Variants in IL1RAPL1 observed in about 807,000 individuals in gnomAD.
The protein encoded by IL1RAPL1 is interleukin 1 receptor accessory protein like 1.
IL1RAPL1 carries 3 observed loss-of-function variants against 48.4 expected under a neutral mutation model. The ratio of observed to expected loss-of-function variants is 0.06; its 90% CI spans 0.03 to 0.16. The LOEUF (loss-of-function observed/expected upper bound fraction) is 0.16, where lower values mean the gene tolerates loss of function less well. Ranked by LOEUF, IL1RAPL1 falls within the 10% of genes least tolerant of loss-of-function variation. The probability of loss-of-function intolerance (pLI) is 1.00; values close to 1 mark genes in which losing one functional copy is unlikely to be tolerated. For synonymous variants in IL1RAPL1, 185 were observed against 187.7 expected (o/e 0.99, Z 0.12); for missense variants, 349 against 530.6 (o/e 0.66, Z 3.36).
chrX:29,158,094 C>T (rs1336379563), intron 2 of IL1RAPL1, among the ~76,000 whole-genome samples: 1 of 111,074 alleles, frequency 9.0e-6, no homozygotes, highest in East Asian at 2.8e-4. Context: ...AGAATGACCC[C>T]AAGGGAATCA....
At chrX:29,229,314 G>A (rs1299705451) in intron 2 of IL1RAPL1, among the ~76,000 whole-genome samples, 1 of 109,639 alleles carries the variant, frequency 9.1e-6, no homozygotes, top group East Asian at 2.8e-4. Context: ...TGGAAACTCT[G>A]CTTTAGCCTT....
chrX:29,603,912 C>G (rs1602320785), intron 5 of IL1RAPL1, among the ~76,000 whole-genome samples: 1 of 111,967 alleles, frequency 8.9e-6, no homozygotes, highest in East Asian at 2.8e-4. Flanking sequence ...GAAAAGGTGG[C>G]AACTTTTGAA....
At chrX:28,978,793 C>A (rs1305265613) in intron 2 of IL1RAPL1, among the ~76,000 whole-genome samples, 1 of 111,482 alleles carries the variant, frequency 9.0e-6, no homozygotes, top group African/African-American at 3.3e-5. Context: ...TGAGAGGGAG[C>A]AGAGCAATTT....
intron 1 of IL1RAPL1, among the ~76,000 whole-genome samples, chrX:28,611,553 C>A (rs1004246286): frequency 8.9e-6 from 1 of 112,571 alleles, no homozygotes; most frequent in Non-Finnish European, 1.9e-5. Flanking sequence ...TATTTTAAGG[C>A]TAAATCATGC....
chrX:29,819,481 C>G (rs1199798210), intron 6 of IL1RAPL1, among the ~76,000 whole-genome samples: 1 of 111,399 alleles, frequency 9.0e-6, no homozygotes, highest in East Asian at 2.8e-4. Context: ...TGCCTCTCAA[C>G]TATTCCTGCT....
intron 5 of IL1RAPL1, among the ~76,000 whole-genome samples, chrX:29,476,084 A>G (rs950378877): frequency 9.9e-5 from 11 of 111,629 alleles, no homozygotes; most frequent in African/African-American, 3.6e-4. Flanking sequence ...GCCAAGATGG[A>G]GTAAAACGTA....
chrX:29,120,458 G>A (rs1410526743), intron 2 of IL1RAPL1, among the ~76,000 whole-genome samples: 1 of 111,337 alleles, frequency 9.0e-6, no homozygotes, highest in African/African-American at 3.3e-5. Flanking sequence ...GTAGATGTGT[G>A]ACTTTATTTC....
At chrX:29,359,079 C>T (rs1278668968) in intron 3 of IL1RAPL1, among the ~76,000 whole-genome samples, 1 of 110,883 alleles carries the variant, frequency 9.0e-6, no homozygotes, top group East Asian at 2.8e-4. Flanking sequence ...ATTAGGCAAA[C>T]ATACTCCAAA....
At chrX:29,569,653 A>G (rs1922530110) in intron 5 of IL1RAPL1, among the ~76,000 whole-genome samples, 1 of 110,418 alleles carries the variant, frequency 9.1e-6, no homozygotes, top group African/African-American at 3.3e-5. Flanking sequence ...AACAACTGCC[A>G]TTTTTTCCAT....
At chrX:29,151,225 G>T (rs1448446925) in intron 2 of IL1RAPL1, among the ~76,000 whole-genome samples, 1 of 112,197 alleles carries the variant, frequency 8.9e-6, no homozygotes, top group Non-Finnish European at 1.9e-5. Context: ...TTCCATGGAT[G>T]GTTCCAAAAT....
At chrX:29,879,357 A>ATGTGTGTGTGTGTGTGTG (rs370851302) in intron 6 of IL1RAPL1, among the ~76,000 whole-genome samples, 5 of 83,979 alleles carry the variant, frequency 6.0e-5, no homozygotes, top group African/African-American at 1.7e-4. Flanking sequence ...AGTTTTATAT[A>ATGTGTGTGTGTGTGTGTG]TGTGTGTGTG....
rs777636118 is a variant in IL1RAPL1 at position 29,484,913 on chromosome X, C to T, written c.703+85605C>T. ...TAAGTAGGATAATCAGGAGACTTCT[C>T]TGGAGAGATGACCCTTACCCTCAGA... On this transcript the variant is annotated intron_variant, in intron 5 of 10. Coordinates refer to ENST00000378993, the MANE Select transcript of IL1RAPL1 (RefSeq NM_014271.4). Among the ~76,000 whole-genome samples, 93 of 111,908 alleles carry T rather than the reference C, an allele frequency of 8.3e-4. 2 individuals carry two copies. Among genetic ancestry groups the T allele is most frequent in the African/African-American group, 2.6e-3 (80 of 30,862 alleles).
intron 1 of IL1RAPL1, among the ~76,000 whole-genome samples, chrX:28,702,738 A>G (rs754717511): frequency 1.5e-4 from 17 of 111,467 alleles, no homozygotes; most frequent in Non-Finnish European, 3.0e-4. Flanking sequence ...GATGAAAATA[A>G]GATGATCGTA....
At chrX:29,853,326 C>CGAAAAAAA (rs1003179937) in intron 6 of IL1RAPL1, among the ~76,000 whole-genome samples, 2 of 107,552 alleles carry the variant, frequency 1.9e-5, no homozygotes, top group African/African-American at 6.8e-5. Flanking sequence ...AACCCAGTCT[C>CGAAAAAAA]GAAAAAAAGA....
chrX:29,011,144 G>C (rs905324797), intron 2 of IL1RAPL1, among the ~76,000 whole-genome samples: 2 of 111,575 alleles, frequency 1.8e-5, no homozygotes, highest in Admixed American at 9.5e-5. Context: ...TAAATATACA[G>C]ATAGCCCATA....
chrX:29,061,543 C>T (rs900415841), intron 2 of IL1RAPL1, among the ~76,000 whole-genome samples: 2 of 111,987 alleles, frequency 1.8e-5, no homozygotes, highest in South Asian at 3.7e-4. Context: ...ACTGCAACCT[C>T]CACCTCCTAG....
rs186598405 is a variant in IL1RAPL1 at position 28,895,902 on chromosome X, G to A, written c.82+106477G>A. Among the ~76,000 whole-genome samples, 382 of 112,125 alleles carry A rather than the reference G, an allele frequency of 3.4e-3. 2 individuals carry two copies. Among genetic ancestry groups the A allele is most frequent in the African/African-American group, 0.012 (373 of 30,851 alleles). On this transcript the variant is annotated intron_variant, in intron 2 of 10. Transcript: ENST00000378993. Reference sequence around the variant, plus strand: ...GGGAAGGAGTCAGTCAGAGAGCCTCGGGCCAGAGTTCCACGGGCTCTGGGA... The same window carrying A: ...GGGAAGGAGTCAGTCAGAGAGCCTCAGGCCAGAGTTCCACGGGCTCTGGGA...
At chrX:29,593,037 A>G (rs1378911004) in intron 5 of IL1RAPL1, among the ~76,000 whole-genome samples, 2 of 112,203 alleles carry the variant, frequency 1.8e-5, no homozygotes, top group Non-Finnish European at 3.8e-5. Flanking sequence ...AGGGAACTTC[A>G]CTTCTGTTCT....
chrX:28,600,590 T>A (rs1934012790), intron 1 of IL1RAPL1, among the ~76,000 whole-genome samples: 1 of 110,574 alleles, frequency 9.0e-6, no homozygotes, highest in South Asian at 3.9e-4. Context: ...AAGACAATTG[T>A]TTGGGTTGTA....
Sources: allele counts gnomAD v4.1 joint callset (sites outside exome capture counted in the v4.1 genomes callset), GRCh38; gene constraint gnomAD v4.1.1; transcripts MANE v1.5; gene names NCBI Gene and HGNC (gene_info 2026-07-23, HGNC 2026-07-21).